Variants in LMX1B observed in about 807,000 individuals in gnomAD.
The protein encoded by LMX1B is LIM homeobox transcription factor 1-beta.
LMX1B carries 12 observed loss-of-function variants against 51.4 expected under a neutral mutation model. That is an observed-to-expected ratio of 0.23 (90% CI 0.15 to 0.38). LMX1B has a LOEUF of 0.38. Ranked by LOEUF, LMX1B falls within the 10% of genes least tolerant of loss-of-function variation. The pLI is 1.00. For missense variants in LMX1B, 445 were observed against 571.1 expected (o/e 0.78, Z 2.25); for synonymous variants, 237 against 235.4 (o/e 1.01, Z -0.06).
chr9:126,614,565 C>T lies in LMX1B; in HGVS notation c.116C>T (p.Pro39Leu), dbSNP rs367661538. 1.2e-5 allele frequency: 20 copies of T among 1,601,736 alleles called. No individual in the cohort carries two copies. Among genetic ancestry groups the T allele is most frequent in the Non-Finnish European group, 1.7e-5 (20 of 1,174,726 alleles). The change falls in exon 1 of 8, where the codon CCC becomes CTC. Residue 39 changes from proline (P) to leucine (L), a missense_variant. Around this residue, in one of 3 missense-constraint regions of LMX1B, gnomAD observed 273 missense variants for 343.3 expected, o/e 0.80. Transcript: ENST00000373474. ...KMEEHALRPGPATLGVLLGSD... is the reference protein window; with the variant it reads ...KMEEHALRPGLATLGVLLGSD... ...GAGGAGCACGCCCTGCGCCCCGGGC[C>T]CGCCACTCTGGGGGTGCTGCTGGGT...
rs1051807876 is a variant in LMX1B at position 126,617,888 on chromosome 9, C to T, written c.326+2319C>T. Among the ~76,000 whole-genome samples the T allele has an allele frequency of 1.3e-4, 15 of 114,124 alleles. No individual in the cohort carries two copies. In the South Asian group the frequency reaches 2.5e-3, roughly 19 times the overall value. 74.9% of individuals were successfully genotyped at this position (114,124 alleles called of 152,430 possible). ...CGCCAATTAGGTATCTGCGTTAGGCCGGCCGGCAGGATGTGCTGGGGGTGG... is the reference window on the plus strand; with the variant it reads ...CGCCAATTAGGTATCTGCGTTAGGCTGGCCGGCAGGATGTGCTGGGGGTGG... On this transcript the variant is annotated intron_variant, in intron 2 of 7. Coordinates refer to ENST00000373474, the MANE Select transcript of LMX1B (RefSeq NM_001174147.2).
rs769542366 is a variant in LMX1B, at chr9:126,641,505, A to G, written c.326+25936A>G. Among the ~76,000 whole-genome samples the G allele has an allele frequency of 9.9e-5, 15 of 152,100 alleles. No homozygotes were observed. Among genetic ancestry groups the G allele is most frequent in the Non-Finnish European group, 2.1e-4 (14 of 68,016 alleles). ...ATCTTCATGGGCCCTGCACTTAGCC[A>G]TGGTGCCTGATAGTATGGTCTTCTC... On this transcript the variant is annotated intron_variant, in intron 2 of 7. Coordinates refer to ENST00000373474, the MANE Select transcript of LMX1B (RefSeq NM_001174147.2). This position sits in a 1 kb window ranked among gnomAD's most constrained non-coding sequence, Gnocchi z 4.1.
At chr9:126,623,098 G>A (rs1001892394) in intron 2 of LMX1B, among the ~76,000 whole-genome samples, 2 of 152,248 alleles carry the variant, frequency 1.3e-5, no homozygotes, top group African/African-American at 4.8e-5. Context: ...TCCTGCGTGG[G>A]AGGCCCAGAA....
intron 2 of LMX1B, among the ~76,000 whole-genome samples, chr9:126,633,110 A>G (rs2118864300): frequency 6.6e-6 from 1 of 152,182 alleles, no homozygotes; most frequent in East Asian, 1.9e-4. Context: ...CCTACTCCCA[A>G]GGCCTGGCAC....
At position 126,697,845 on chromosome 9, in the gene LMX1B, T is replaced by TTTTGTTTTGC. The variant is rs1444459271; in HGVS notation, c.*1403_*1404insCTTTGTTTTG. On this transcript the variant is annotated 3_prime_UTR_variant, in exon 8 of 8. Transcript: ENST00000373474. ...CAGGATGGGGGCACCTACTGTTTTG[T>TTTTGTTTTGC]TTTGTTTTGTTTTGTTTTGTTTTGT... 8.6e-6 allele frequency: 1 copy of TTTTGTTTTGC among 116,394 alleles called. No individual in the cohort carries two copies. Among genetic ancestry groups the TTTTGTTTTGC allele is most frequent in the Non-Finnish European group, 1.8e-5 (1 of 55,192 alleles). The allele number at this position is 116,394 out of a possible 1,614,324, so 7.2% of individuals were successfully genotyped here.
At chr9:126,635,524 C>T (rs987842617) in intron 2 of LMX1B, among the ~76,000 whole-genome samples, 3 of 152,192 alleles carry the variant, frequency 2.0e-5, no homozygotes, top group Admixed American at 1.3e-4. Flanking sequence ...CTTTGAGATT[C>T]GGGGGAATAA....
At chr9:126,620,160 A>C (rs902507631) in intron 2 of LMX1B, among the ~76,000 whole-genome samples, 2 of 152,148 alleles carry the variant, frequency 1.3e-5, no homozygotes, top group Admixed American at 1.3e-4. Flanking sequence ...CATGGTACAC[A>C]GGGTTTACCA....
chr9:126,621,895 T>G (rs1410702859), intron 2 of LMX1B, among the ~76,000 whole-genome samples: 1 of 152,174 alleles, frequency 6.6e-6, no homozygotes, highest in Non-Finnish European at 1.5e-5. Context: ...GTGCTCGGAA[T>G]GGCAACTTTC....
rs953236200 is a variant in LMX1B at position 126,632,415 on chromosome 9, G to A, written c.326+16846G>A. ...GGTGGGCTGGGACAGTGAGTCTGGC[G>A]GAGGGGCTGCCGAGGGGCTGCTGGG... On this transcript the variant is annotated intron_variant, in intron 2 of 7. Coordinates refer to ENST00000373474, the MANE Select transcript of LMX1B (RefSeq NM_001174147.2). Among the ~76,000 whole-genome samples, 6 of 152,182 alleles carry A rather than the reference G, an allele frequency of 3.9e-5. No individual in the cohort carries two copies. In the East Asian group the frequency reaches 7.7e-4, roughly 20 times the overall value.
At chr9:126,621,501 C>T (rs1290508108) in intron 2 of LMX1B, among the ~76,000 whole-genome samples, 1 of 152,156 alleles carries the variant, frequency 6.6e-6, no homozygotes, top group African/African-American at 2.4e-5. Context: ...AGTTGATTCA[C>T]GAAGGTAGAG....
intron 3 of LMX1B, among the ~76,000 whole-genome samples, chr9:126,691,916 G>C (rs982214739): frequency 2.0e-5 from 3 of 152,224 alleles, no homozygotes; most frequent in African/African-American, 4.8e-5. Flanking sequence ...CAATTTGAAG[G>C]CCTCCTGGCA....
chr9:126,643,053 G>T (rs1050445032), intron 2 of LMX1B, among the ~76,000 whole-genome samples: 1 of 152,242 alleles, frequency 6.6e-6, no homozygotes, highest in Non-Finnish European at 1.5e-5. Context: ...GCTGCAGTGG[G>T]CAGGGGCACA....
rs1029632682 is a variant in LMX1B at position 126,618,948 on chromosome 9, G to A, written c.326+3379G>A. 1.3e-5 allele frequency among the ~76,000 whole-genome samples: 2 copies of A among 151,934 alleles called. No individual in the cohort carries two copies. Among genetic ancestry groups the A allele is most frequent in the Non-Finnish European group, 2.9e-5 (2 of 67,948 alleles). On this transcript the variant is annotated intron_variant, in intron 2 of 7. Coordinates refer to ENST00000373474, the MANE Select transcript of LMX1B (RefSeq NM_001174147.2). The surrounding 1 kb of genome is among the most constrained non-coding windows in gnomAD (Gnocchi z 4.5). Reference sequence around the variant, plus strand: ...GACGCGGGGTTCCGGCCCGGGCCGCGCTCCTACCTCGGCGGCGGGGCCGCG... The same window carrying A: ...GACGCGGGGTTCCGGCCCGGGCCGCACTCCTACCTCGGCGGCGGGGCCGCG...
At chr9:126,631,587 T>C (rs929915278) in intron 2 of LMX1B, among the ~76,000 whole-genome samples, 2 of 151,900 alleles carry the variant, frequency 1.3e-5, no homozygotes, top group East Asian at 3.9e-4. Flanking sequence ...GAGGTGGGGA[T>C]AGGGGCGAGG....
At chr9:126,616,124 C>T (rs761715212) in intron 2 of LMX1B, among the ~76,000 whole-genome samples, 3 of 152,200 alleles carry the variant, frequency 2.0e-5, no homozygotes, top group Non-Finnish European at 2.9e-5. Flanking sequence ...TTCCCCAAAC[C>T]GTTCCATGCG....
In LMX1B at chr9:126,700,245, G is replaced by C. The variant is rs986753942; in HGVS notation, c.*3794G>C. The stretch of plus-strand genomic sequence containing the variant: ...CAGCCTGGAAAGAGCTCAGAAAGGG[G>C]GTTGGTGCACGTGGCTGGGCATCTT... On this transcript the variant is annotated 3_prime_UTR_variant, in exon 8 of 8. Transcript: ENST00000373474. 13 of 152,276 alleles carry C rather than the reference G, an allele frequency of 8.5e-5. No homozygotes were observed. Among genetic ancestry groups the C allele is most frequent in the African/African-American group, 2.9e-4 (12 of 41,432 alleles). The allele number at this position is 152,276 out of a possible 1,614,324, so 9.4% of individuals were successfully genotyped here. A position where few individuals can be genotyped will look rare whatever the true frequency, so the allele number is the denominator to read the frequency against.
chr9:126,666,934 G>C (rs1344457661), intron 2 of LMX1B, among the ~76,000 whole-genome samples: 1 of 152,118 alleles, frequency 6.6e-6, no homozygotes, highest in Non-Finnish European at 1.5e-5. Flanking sequence ...CAGAAGAGCT[G>C]GTCAGAGGGA....
At position 126,661,280 on chromosome 9, in the gene LMX1B, A is replaced by G. The variant is rs557946179; in HGVS notation, c.327-29556A>G. 3.7e-5 allele frequency among the ~76,000 whole-genome samples: 5 copies of G among 135,434 alleles called. No individual in the cohort carries two copies. In the South Asian group the frequency reaches 1.2e-3, roughly 32 times the overall value. 88.8% of individuals were successfully genotyped at this position (135,434 alleles called of 152,430 possible). A position where few individuals can be genotyped will look rare whatever the true frequency, so the allele number is the denominator to read the frequency against. On this transcript the variant is annotated intron_variant, in intron 2 of 7. Transcript: ENST00000373474. ...CCAGGCCAGCGTGGACGCCCCACGC[A>G]GGGCGACCTCTCAGGCCAGCGTGGA...
intron 5 of LMX1B, 33 bp downstream of exon 5, chr9:126,693,634 G>A (rs757595313): frequency 3.7e-6 from 6 of 1,612,376 alleles, no homozygotes; most frequent in African/African-American, 2.7e-5. Flanking sequence ...CACTGGCCCC[G>A]GGTAGGGTGG....
Sources: gnomAD v4.1 joint callset for allele counts (sites outside exome capture counted in the v4.1 genomes callset) on GRCh38, gnomAD v4.1.1 for gene constraint, gnomAD v4.1.1 regional missense constraint, Gnocchi (gnomAD v3.1) non-coding constraint, MANE v1.5 for transcripts, NCBI Gene and HGNC (gene_info 2026-07-23, HGNC 2026-07-21) for gene names.